The following ERG variants were observed in gnomAD, a reference collection of about 807,000 sequenced individuals.
The protein encoded by ERG is transcriptional regulator ERG.
Under a neutral mutation model 55.3 loss-of-function variants are expected in ERG, and 9 were observed. The ratio of observed to expected loss-of-function variants is 0.16; its 90% confidence interval spans 0.10 to 0.28. ERG has a LOEUF of 0.28. ERG is among the 10% of genes least tolerant of loss of function. The pLI is 1.00. For missense variants in ERG, 434 were observed against 631.6 expected, an observed-to-expected ratio of 0.69 and a Z score of 3.35; for synonymous variants, 223 against 237.3, an observed-to-expected ratio of 0.94 and a Z score of 0.55.
At chr21:38,468,533 C>G (rs1379642326) in intron 1 of ERG, among the ~76,000 whole-genome samples, 1 of 152,140 alleles carries the variant, frequency 6.6e-6, no homozygotes, top group Non-Finnish European at 1.5e-5. Context: ...CCATTCACCA[C>G]AGTTGATGAT....
intron 2 of ERG, among the ~76,000 whole-genome samples, chr21:38,520,735 A>G (rs1237499535): frequency 6.6e-6 from 1 of 152,210 alleles, no homozygotes; most frequent in Non-Finnish European, 1.5e-5. Flanking sequence ...CTGGAGGCAG[A>G]GAGCACGAAA....
At chr21:38,500,092 G>A (rs1406942551), upstream of ERG, among the ~76,000 whole-genome samples, 1 of 152,154 alleles carries the variant, frequency 6.6e-6, no homozygotes, top group East Asian at 1.9e-4. Context: ...GCTTCCACTA[G>A]AATTCTGGAG....
At chr21:38,601,675 C>T (rs1267539939) in intron 1 of ERG, among the ~76,000 whole-genome samples, 1 of 152,146 alleles carries the variant, frequency 6.6e-6, no homozygotes, top group East Asian at 1.9e-4. Flanking sequence ...CACTCACCCT[C>T]CTATTTCCAT....
chr21:38,653,507 C>T (rs1409836157), intron 1 of ERG, among the ~76,000 whole-genome samples: 1 of 152,190 alleles, frequency 6.6e-6, no homozygotes, highest in African/African-American at 2.4e-5. Context: ...ATCCTAAGGA[C>T]ACCGCATTTA....
rs868405285 is a variant in ERG at position 38,610,530 on chromosome 21, T to C, written c.-149-25585A>G. Among the ~76,000 whole-genome samples the C allele has an allele frequency of 2.8e-3, 419 of 149,900 alleles. 1 individual carries two copies. Among genetic ancestry groups the C allele is most frequent in the African/African-American group, 5.5e-3 (229 of 41,294 alleles). On this transcript the variant is annotated intron_variant, in intron 1 of 10. Transcript: ENST00000398910. ...TAGTCCACGTGCGCGCACGCGCGTG[T>C]GTGTGTGTGTGTGTGTGTGTTTAGC...
At chr21:38,527,233 C>T (rs982935061) in intron 2 of ERG, among the ~76,000 whole-genome samples, 22 of 152,268 alleles carry the variant, frequency 1.4e-4, no homozygotes, top group African/African-American at 4.8e-4. Flanking sequence ...ACATGGAGTG[C>T]GGCAAGAATG....
intron 2 of ERG, among the ~76,000 whole-genome samples, chr21:38,539,692 C>CT (rs1253801156): frequency 1.8e-4 from 28 of 152,248 alleles, no homozygotes; most frequent in Non-Finnish European, 4.0e-4. Flanking sequence ...TCTGGCTCCT[C>CT]TGCCCACCTT....
At chr21:38,495,682 T>G (rs1328947048) in intron 1 of ERG, among the ~76,000 whole-genome samples, 1 of 152,160 alleles carries the variant, frequency 6.6e-6, no homozygotes. Context: ...AAAGTATTAT[T>G]CTGAGAAAGG....
chr21:38,523,659 G>A (rs1048731761), intron 2 of ERG, among the ~76,000 whole-genome samples: 3 of 152,118 alleles, frequency 2.0e-5, no homozygotes, highest in Non-Finnish European at 4.4e-5. Flanking sequence ...TTACCCACAC[G>A]GAATTCTCAT....
chr21:38,541,008 G>C (rs969861587), intron 2 of ERG, among the ~76,000 whole-genome samples: 2 of 152,114 alleles, frequency 1.3e-5, no homozygotes, highest in African/African-American at 2.4e-5. Flanking sequence ...GAGGCACTGG[G>C]GTGGAAGGGA....
chr21:38,609,707 T>A (rs1166944568), intron 1 of ERG, among the ~76,000 whole-genome samples: 1 of 152,158 alleles, frequency 6.6e-6, no homozygotes, highest in Non-Finnish European at 1.5e-5. Context: ...TGCATATGTG[T>A]GAAATCTGTG....
Position 38,481,413 on chromosome 21 carries a change from T to A in ERG, c.18+16950A>T, listed in dbSNP as rs2836433. Among the ~76,000 whole-genome samples the A allele has an allele frequency of 6.6e-5, 10 of 152,222 alleles. No homozygotes were observed. In the South Asian group the frequency reaches 8.3e-4, roughly 13 times the overall value. ...AAGAAACAGTCCACTAAAAATCTTA[T>A]CAAGATAATAGAATACTTCAGATTT... On this transcript the variant is annotated intron_variant, in intron 1 of 9. Coordinates refer to ENST00000288319, the MANE Select transcript of ERG (RefSeq NM_182918.4).
In ERG at chr21:38,390,867, A is replaced by C. The variant is rs987374066; in HGVS notation, c.919+128T>G. ...AACCCATCTTTCCATTAAGGCAAATAATTCAGTGAGACCTAAAACTAAAAT... is the reference window on the plus strand; with the variant it reads ...AACCCATCTTTCCATTAAGGCAAATCATTCAGTGAGACCTAAAACTAAAAT... On this transcript the variant is annotated intron_variant, in intron 9 of 9. Coordinates refer to ENST00000288319, the MANE Select transcript of ERG (RefSeq NM_182918.4). The C allele has an allele frequency of 1.7e-5, 12 of 722,426 alleles. No individual in the cohort carries two copies. In the Admixed American group the frequency reaches 2.7e-4, roughly 16 times the overall value. The allele number at this position is 722,426 out of a possible 1,614,324, so 44.8% of individuals were successfully genotyped here. A position where few individuals can be genotyped will look rare whatever the true frequency, so the allele number is the denominator to read the frequency against.
intron 1 of ERG, among the ~76,000 whole-genome samples, chr21:38,619,829 G>T (rs1202896210): frequency 6.6e-6 from 1 of 152,194 alleles, no homozygotes; most frequent in East Asian, 1.9e-4. Flanking sequence ...AATTCGTCAT[G>T]GTTATTATGA....
intron 6 of ERG, among the ~76,000 whole-genome samples, chr21:38,394,813 G>A (rs192120946): frequency 1.3e-4 from 20 of 152,226 alleles, no homozygotes; most frequent in Admixed American, 8.5e-4. Flanking sequence ...ATGGTTGAAA[G>A]AGTTCTAGAT....
chr21:38,639,932 G>A (rs1808771651), intron 1 of ERG, among the ~76,000 whole-genome samples: 1 of 152,158 alleles, frequency 6.6e-6, no homozygotes, highest in African/African-American at 2.4e-5. Flanking sequence ...TGCCAGGACA[G>A]CCACGCCTGG....
chr21:38,486,141 G>A (rs1476457884), intron 1 of ERG, among the ~76,000 whole-genome samples: 1 of 151,520 alleles, frequency 6.6e-6, no homozygotes, highest in Non-Finnish European at 1.5e-5. Flanking sequence ...CACTGTGTTA[G>A]CCAGGATGGT....
At chr21:38,648,090 A>G (rs549338302) in intron 1 of ERG, among the ~76,000 whole-genome samples, 2 of 152,382 alleles carry the variant, frequency 1.3e-5, no homozygotes, top group Admixed American at 1.3e-4. Context: ...GGAAGCATGC[A>G]TTTAACTTTC....
chr21:38,514,427 C>A (rs1176627473), intron 2 of ERG, among the ~76,000 whole-genome samples: 2 of 151,814 alleles, frequency 1.3e-5, no homozygotes, highest in Non-Finnish European at 2.9e-5. Context: ...TGTGAACAAA[C>A]TGGATTTATT....
Sources: allele counts gnomAD v4.1 joint callset (sites outside exome capture counted in the v4.1 genomes callset), GRCh38; gene constraint gnomAD v4.1.1; transcripts MANE v1.5; gene names NCBI Gene and HGNC (gene_info 2026-07-23, HGNC 2026-07-21).